The following NSUN3 variants were observed in gnomAD, a reference collection of about 807,000 sequenced individuals.
NSUN3 encodes the protein tRNA (cytosine(34)-C(5))-methyltransferase, mitochondrial.
NSUN3 carries 24 observed loss-of-function variants against 36.8 expected under a neutral mutation model. The observed-to-expected ratio is 0.65, with a 90% CI of 0.47 to 0.92. The LOEUF (loss-of-function observed/expected upper bound fraction) is 0.92, where lower values mean the gene tolerates loss of function less well. Among genes scored for constraint, NSUN3 ranks in the 40% least tolerant of loss-of-function variants. The pLI is 0.00. For synonymous variants in NSUN3, 146 were observed against 145.2 expected, an observed-to-expected ratio of 1.01 and a Z score of -0.04; for missense variants, 381 against 392.8, an observed-to-expected ratio of 0.97 and a Z score of 0.25.
chr3:94,119,967 T>C lies in NSUN3; in HGVS notation c.744-6244T>C, dbSNP rs900981069. On this transcript the variant is annotated intron_variant, in intron 5 of 5. Transcript: ENST00000314622. ...TGCCTAATTTTAGAAAGATAAATTATGAATGTCGAAATGAAAGGTAAGCAG... is the reference window on the plus strand; with the variant it reads ...TGCCTAATTTTAGAAAGATAAATTACGAATGTCGAAATGAAAGGTAAGCAG... Among the ~76,000 whole-genome samples the C allele has an allele frequency of 2.6e-5, 4 of 152,364 alleles. No homozygotes were observed. The East Asian group carries it at 7.7e-4, about 29-fold the overall frequency.
chr3:94,077,279 A>G lies in NSUN3; in HGVS notation c.123-6828A>G, dbSNP rs909583150. 2.8e-5 allele frequency: 15 copies of G among 536,662 alleles called. No homozygotes were observed. The East Asian group carries it at 4.5e-4, about 16-fold the overall frequency. 33.2% of individuals were successfully genotyped at this position (536,662 alleles called of 1,614,324 possible). ...ATATGTTGAACCAGTCTTGCATCCC[A>G]GGTATGAAGTTGACATCGTGGTGGA... On this transcript the variant is annotated intron_variant, in intron 2 of 5. Transcript: ENST00000314622.
At chr3:94,088,262 C>T (rs978539515) in intron 3 of NSUN3, among the ~76,000 whole-genome samples, 2 of 152,172 alleles carry the variant, frequency 1.3e-5, no homozygotes, top group African/African-American at 4.8e-5. Context: ...TTGTGTTAAT[C>T]ACATTGCTTA....
chr3:94,074,205 C>T (rs1329892561), intron 2 of NSUN3, among the ~76,000 whole-genome samples: 1 of 152,064 alleles, frequency 6.6e-6, no homozygotes, highest in African/African-American at 2.4e-5. Context: ...TTACTGTAGC[C>T]TTGTAGTATA....
rs1222119954 is a variant in NSUN3 at position 94,084,092 on chromosome 3, T to C, written c.123-15T>C. 11 of 1,578,620 alleles carry C rather than the reference T, an allele frequency of 7.0e-6. No individual in the cohort carries two copies. Among genetic ancestry groups the C allele is most frequent in the Non-Finnish European group, 8.7e-6 (10 of 1,151,650 alleles). On this transcript the variant is annotated splice_polypyrimidine_tract_variant and intron_variant, in intron 2 of 5. Transcript: ENST00000314622. Reference sequence around the variant, plus strand: ...CATATTAATATTCTCTTATTTTCTCTTTTTCTATTTCTAGGGAGATACTAA... The same window carrying C: ...CATATTAATATTCTCTTATTTTCTCCTTTTCTATTTCTAGGGAGATACTAA...
intron 5 of NSUN3, among the ~76,000 whole-genome samples, chr3:94,121,870 C>A (rs1228856925): frequency 6.6e-6 from 1 of 152,128 alleles, no homozygotes; most frequent in African/African-American, 2.4e-5. Flanking sequence ...ACTGGCCAGG[C>A]GTGGTGGCTC....
chr3:94,098,340 A>G (rs1399215489), intron 5 of NSUN3, among the ~76,000 whole-genome samples: 2 of 152,170 alleles, frequency 1.3e-5, no homozygotes, highest in Non-Finnish European at 2.9e-5. Flanking sequence ...ACTGTCCTAC[A>G]TATCTCCAGT....
At chr3:94,113,995 A>C (rs2077429232) in intron 5 of NSUN3, among the ~76,000 whole-genome samples, 1 of 152,232 alleles carries the variant, frequency 6.6e-6, no homozygotes, top group Non-Finnish European at 1.5e-5. Context: ...AATGCTGTAC[A>C]GCAGCACTTT....
rs751284543 is a variant in NSUN3 at position 94,126,264 on chromosome 3, C to T, written c.797C>T (p.Thr266Met). 21 of 1,613,964 alleles carry T rather than the reference C, an allele frequency of 1.3e-5. No individual in the cohort carries two copies. Among genetic ancestry groups the T allele is most frequent in the African/African-American group, 4.0e-5 (3 of 74,908 alleles). ...GGGATACTTGTATACTCTACATGCA[C>T]GCTTTCCAAGGCAGAAAATCAAGAT... Reference protein sequence around the residue: ...PGGILVYSTCTLSKAENQDVI... With the variant: ...PGGILVYSTCMLSKAENQDVI... The change falls in exon 6 of 6, where the codon ACG (threonine) becomes ATG (methionine). Residue 266 changes from threonine (T) to methionine (M), a missense_variant. Transcript: ENST00000314622.
chr3:94,116,616 G>A (rs1224321295), intron 5 of NSUN3, among the ~76,000 whole-genome samples: 1 of 152,120 alleles, frequency 6.6e-6, no homozygotes, highest in Non-Finnish European at 1.5e-5. Flanking sequence ...AACTAACTAT[G>A]TGGTTAACTA....
chr3:94,087,571 A>G (rs2077296981), intron 3 of NSUN3, among the ~76,000 whole-genome samples: 1 of 152,248 alleles, frequency 6.6e-6, no homozygotes, highest in Non-Finnish European at 1.5e-5. Context: ...AAACATTAGC[A>G]TATTAACTAA....
intron 5 of NSUN3, among the ~76,000 whole-genome samples, chr3:94,105,251 CT>C (rs1337858444): frequency 6.6e-6 from 1 of 152,124 alleles, no homozygotes; most frequent in African/African-American, 2.4e-5. Flanking sequence ...GGAACAACGA[CT>C]TTTATGATCC....
At chr3:94,084,524 T>C in intron 3 of NSUN3, 74 bp downstream of exon 3, 1 of 1,165,578 alleles carries the variant, frequency 8.6e-7, no homozygotes, top group South Asian at 1.6e-5. Flanking sequence ...AAAGTATATA[T>C]GGGGAGAAAC....
rs570659789 is a variant in NSUN3, at chr3:94,125,356, C to T, written c.744-855C>T. Among the ~76,000 whole-genome samples, 3 of 152,276 alleles carry T rather than the reference C, an allele frequency of 2.0e-5. No individual in the cohort carries two copies. In the South Asian group the frequency reaches 6.2e-4, roughly 32 times the overall value. ...GTATTTTAAGGACGAGACCTTTTAT[C>T]TGGTGATACAACTTTCTGAAGAGCT... is the stretch of plus-strand genomic sequence containing the variant. On this transcript the variant is annotated intron_variant, in intron 5 of 5. Transcript: ENST00000314622.
At chr3:94,095,502 C>T (rs527363203) in intron 5 of NSUN3, among the ~76,000 whole-genome samples, 2 of 152,316 alleles carry the variant, frequency 1.3e-5, no homozygotes, top group African/African-American at 4.8e-5. Context: ...TTAGGAATAG[C>T]TTTGAATCAG....
At chr3:94,069,307 C>T (rs1336330832) in intron 2 of NSUN3, among the ~76,000 whole-genome samples, 5 of 152,204 alleles carry the variant, frequency 3.3e-5, no homozygotes, top group South Asian at 2.1e-4. Context: ...ATCAGCTCTT[C>T]GTTAGCATCT....
intron 5 of NSUN3, among the ~76,000 whole-genome samples, chr3:94,096,523 G>T (rs2077340740): frequency 6.6e-6 from 1 of 151,854 alleles, no homozygotes; most frequent in African/African-American, 2.4e-5. Flanking sequence ...TTTTGAGATA[G>T]AGTCTTACTC....
intron 2 of NSUN3, among the ~76,000 whole-genome samples, chr3:94,068,139 G>A (rs968818271): frequency 6.6e-6 from 1 of 152,050 alleles, no homozygotes; most frequent in African/African-American, 2.4e-5. Flanking sequence ...GTCCTCGTCT[G>A]TAAAATGGGG....
At position 94,094,292 on chromosome 3, in the gene NSUN3, A is replaced by G. The variant is rs749110164; in HGVS notation, c.619A>G (p.Lys207Glu). The change falls in exon 4 of 6, where the codon AAG (lysine) becomes GAG (glutamate). Residue 207 changes from lysine to glutamate, a missense_variant and splice_region_variant. Transcript: ENST00000314622. Reference protein sequence around the residue: ...MGDAQPEMFDKVLVDAPCSND... With the variant: ...MGDAQPEMFDEVLVDAPCSND... ...AGATGCCCAGCCTGAAATGTTTGAC[A>G]AGGTACTTTTATTACATTGTGACAA... 3 of 1,611,492 alleles carry G rather than the reference A, an allele frequency of 1.9e-6. No individual in the cohort carries two copies. Among genetic ancestry groups the G allele is most frequent in the Non-Finnish European group, 1.7e-6 (2 of 1,179,166 alleles).
Position 94,091,661 on chromosome 3 carries a change from A to G in NSUN3, c.467-2479A>G, listed in dbSNP as rs149857238. Among the ~76,000 whole-genome samples the G allele has an allele frequency of 3.0e-4, 46 of 152,346 alleles. No individual in the cohort carries two copies. In the East Asian group the frequency reaches 8.9e-3, roughly 29 times the overall value. ...AGCTTAGATTTTTCTTAACACGTGCATGTTAAAAGTCTTTTGGGTTACCAC... is the reference window on the plus strand; with the variant it reads ...AGCTTAGATTTTTCTTAACACGTGCGTGTTAAAAGTCTTTTGGGTTACCAC... On this transcript the variant is annotated intron_variant, in intron 3 of 5. Coordinates refer to ENST00000314622, the MANE Select transcript of NSUN3 (RefSeq NM_022072.5).
Sources: allele counts gnomAD v4.1 joint callset (sites outside exome capture counted in the v4.1 genomes callset), GRCh38; gene constraint gnomAD v4.1.1; transcripts MANE v1.5; gene names NCBI Gene and HGNC (gene_info 2026-07-23, HGNC 2026-07-21).